The following ASGR2 variants were observed in gnomAD, a reference collection of about 807,000 sequenced individuals.
ASGR2 encodes the protein asialoglycoprotein receptor 2, also known as C-type lectin domain family 4 member H2.
ASGR2 carries 34 observed loss-of-function variants against 32.3 expected under a neutral mutation model. The observed-to-expected ratio is 1.05, with a 90% CI of 0.80 to 1.40. ASGR2 has a LOEUF of 1.40. Ranked by LOEUF, ASGR2 falls within the 40% of genes most tolerant of loss-of-function variation. The probability of loss-of-function intolerance (pLI) is 0.00; values close to 1 mark genes in which losing one functional copy is unlikely to be tolerated. For missense variants in ASGR2, 385 were observed against 386.4 expected (o/e 1.00, Z 0.03); for synonymous variants, 143 against 150.0 (o/e 0.95, Z 0.34).
chr17:7,112,142 T>C (rs1914773361), intron 2 of ASGR2, among the ~76,000 whole-genome samples: 1 of 122,462 alleles, frequency 8.2e-6, no homozygotes. Context: ...CTCTATAAAA[T>C]GAAACACTGG....
intron 7 of ASGR2, among the ~76,000 whole-genome samples, chr17:7,103,581 CT>C (rs1207351855): frequency 6.6e-6 from 1 of 152,160 alleles, no homozygotes; most frequent in East Asian, 1.9e-4. Context: ...TCCCCCTTTC[CT>C]GGGTGAACCA....
intron 2 of ASGR2, among the ~76,000 whole-genome samples, chr17:7,111,470 C>G (rs552225644): frequency 3.9e-5 from 6 of 152,146 alleles, no homozygotes; most frequent in Middle Eastern, 3.4e-3. Context: ...TCCTGGCTAA[C>G]ATGGTGAAAC....
chr17:7,111,643 G>A (rs1170400851), intron 2 of ASGR2, among the ~76,000 whole-genome samples: 7 of 147,302 alleles, frequency 4.8e-5, no homozygotes, highest in African/African-American at 7.6e-5. Flanking sequence ...GCAACAGAGC[G>A]AGACTCCGCC....
At position 7,101,487 on chromosome 17, in the gene ASGR2, C is replaced by G. The variant is rs1209500430; in HGVS notation, c.*88G>C. On this transcript the variant is annotated 3_prime_UTR_variant, in exon 9 of 9. Transcript: ENST00000691900. ...TCAGCTCTTCCCCATACCCCTGTCT[C>G]AGTGTTTCTTCCTTTCCTCAAAATC... is the stretch of plus-strand genomic sequence containing the variant. The G allele has an allele frequency of 1.3e-5, 20 of 1,527,920 alleles. No homozygotes were observed. The highest frequency in any genetic ancestry group is 1.7e-5 in the Non-Finnish European group (19 of 1,131,272). 94.6% of individuals were successfully genotyped at this position (1,527,920 alleles called of 1,614,324 possible).
At chr17:7,109,206 G>A (rs1372232144) in intron 2 of ASGR2, among the ~76,000 whole-genome samples, 1 of 152,036 alleles carries the variant, frequency 6.6e-6, no homozygotes, top group Non-Finnish European at 1.5e-5. Flanking sequence ...GACGCACAGG[G>A]GGCGGGGGGG....
At position 7,107,439 on chromosome 17, in the gene ASGR2, CACCATACCACACACACACCACAG is replaced by C. The variant is rs1913909946; in HGVS notation, c.410-145_410-123del. ...TACACCATGCATAGACCACACCACA[CACCATACCACACACACACCACAG>C]ACATGTACACCACACATAGACCACA... On this transcript the variant is annotated intron_variant, in intron 5 of 8. Coordinates refer to ENST00000691900, the MANE Select transcript of ASGR2 (RefSeq NM_001201352.2). This position sits in a 1 kb window ranked among gnomAD's most constrained non-coding sequence, Gnocchi z 5.0. 1 of 905,840 alleles carries C rather than the reference CACCATACCACACACACACCACAG, an allele frequency of 1.1e-6. No homozygotes were observed. Among genetic ancestry groups the C allele is most frequent in the African/African-American group, 1.6e-5 (1 of 61,042 alleles). The allele number at this position is 905,840 out of a possible 1,614,324, so 56.1% of individuals were successfully genotyped here.
Position 7,114,709 on chromosome 17 carries a change from A to G in ASGR2, c.-165T>C. 1 of 1,016,218 alleles carries G rather than the reference A, an allele frequency of 9.8e-7. No individual in the cohort carries two copies. Among genetic ancestry groups the G allele is most frequent in the Non-Finnish European group, 1.2e-6 (1 of 848,002 alleles). 63.0% of individuals were successfully genotyped at this position (1,016,218 alleles called of 1,614,324 possible). On this transcript the variant is annotated 5_prime_UTR_variant, in exon 1 of 9. Transcript: ENST00000691900. This position sits in a 1 kb window ranked among gnomAD's most constrained non-coding sequence, Gnocchi z 4.5. ...AAGCCAGGAGAACTGGGGCAGGTGG[A>G]GCTCACAGGGGAGAGGAGAGTGGAG...
rs754946085 is a variant in ASGR2, at chr17:7,108,762, T to G, written c.241+10A>C. The G allele has an allele frequency of 1.2e-5, 19 of 1,614,066 alleles. No individual in the cohort carries two copies. In the East Asian group the frequency reaches 4.2e-4, roughly 36 times the overall value. On this transcript the variant is annotated intron_variant, in intron 3 of 8. Transcript: ENST00000691900. The surrounding 1 kb of genome is among the most constrained non-coding windows in gnomAD (Gnocchi z 4.9). ...CCTTGCCCATCCCTGCTGGCCCCCG[T>G]GACCCTCACTTTGGGACCCAGTCAC...
rs1453798949 is a variant in ASGR2 at position 7,108,053 on chromosome 17, A to G, written c.338-146T>C. 1 of 820,338 alleles carries G rather than the reference A, an allele frequency of 1.2e-6. No homozygotes were observed. Among genetic ancestry groups the G allele is most frequent in the Non-Finnish European group, 1.9e-6 (1 of 519,834 alleles). The allele number at this position is 820,338 out of a possible 1,614,324, so 50.8% of individuals were successfully genotyped here. A position where few individuals can be genotyped will look rare whatever the true frequency, so the allele number is the denominator to read the frequency against. On this transcript the variant is annotated intron_variant, in intron 4 of 8. Transcript: ENST00000691900. The surrounding 1 kb of genome is among the most constrained non-coding windows in gnomAD (Gnocchi z 4.9). ...CCACACCCAGGCTCCCTGCACTGCC[A>G]CAGTGGCTCAGGCCACTCTCCTGCT...
At chr17:7,111,041 G>C (rs1053345283) in intron 2 of ASGR2, among the ~76,000 whole-genome samples, 2 of 152,312 alleles carry the variant, frequency 1.3e-5, no homozygotes, top group South Asian at 4.1e-4. Context: ...TTGCTTAACT[G>C]CATCCCGGAG....
In ASGR2 at chr17:7,113,477, TAC is replaced by T. The variant is rs75289420; in HGVS notation, c.124+638_124+639del. On this transcript the variant is annotated intron_variant, in intron 2 of 8. Transcript: ENST00000691900. This position sits in a 1 kb window ranked among gnomAD's most constrained non-coding sequence, Gnocchi z 5.1. The stretch of plus-strand genomic sequence containing the variant: ...CACAAACATACATACACTCACACAA[TAC>T]ACACACACAACACACACACAACATA... Among the ~76,000 whole-genome samples the T allele has an allele frequency of 0.18, 24,125 of 132,282 alleles. 1,900 individuals carry two copies. Among genetic ancestry groups the T allele is most frequent in the East Asian group, 0.21 (951 of 4,478 alleles). The allele number at this position is 132,282 out of a possible 152,430, so 86.8% of individuals were successfully genotyped here.
Position 7,101,694 on chromosome 17 carries a change from C to A in ASGR2, c.802G>T (p.Gly268Cys). The change falls in exon 9 of 9, where the codon GGT (glycine) becomes TGT (cysteine). Residue 268 changes from glycine (G) to cysteine (C), a missense_variant. Coordinates refer to ENST00000691900, the MANE Select transcript of ASGR2 (RefSeq NM_001201352.2). Reference sequence around the variant, plus strand: ...ACTTCAACACAGTCTTCACTTCCACCCAGCTCGTGCCCGTGCCAATTATCT... The same window carrying A: ...ACTTCAACACAGTCTTCACTTCCACACAGCTCGTGCCCGTGCCAATTATCT... ...QPDNWHGHEL[G>C]GSEDCVEVQP... 1 of 1,614,232 alleles carries A rather than the reference C, an allele frequency of 6.2e-7. No homozygotes were observed. Among genetic ancestry groups the A allele is most frequent in the Non-Finnish European group, 8.5e-7 (1 of 1,180,044 alleles).
intron 7 of ASGR2, among the ~76,000 whole-genome samples, chr17:7,103,725 TAG>T (rs1913178791): frequency 6.6e-6 from 1 of 151,970 alleles, no homozygotes; most frequent in East Asian, 1.9e-4. Flanking sequence ...AGGTGAAAAA[TAG>T]ACTTTGAAAA....
intron 7 of ASGR2, among the ~76,000 whole-genome samples, chr17:7,102,437 A>G (rs1008494115): frequency 1.4e-4 from 22 of 152,200 alleles, no homozygotes; most frequent in African/African-American, 5.3e-4. Context: ...TTTAATCCTC[A>G]GAAGCTCTCT....
chr17:7,113,202 G>C lies in ASGR2; in HGVS notation c.124+915C>G, dbSNP rs1567773001. Among the ~76,000 whole-genome samples, 1 of 151,844 alleles carries C rather than the reference G, an allele frequency of 6.6e-6. No individual in the cohort carries two copies. Among genetic ancestry groups the C allele is most frequent in the African/African-American group, 2.4e-5 (1 of 41,298 alleles). On this transcript the variant is annotated intron_variant, in intron 2 of 8. Coordinates refer to ENST00000691900, the MANE Select transcript of ASGR2 (RefSeq NM_001201352.2). This position sits in a 1 kb window ranked among gnomAD's most constrained non-coding sequence, Gnocchi z 5.1. ...TTTATTACAGAAGGATCCAGGGAAGGGTCTTGGGAGATGAGAGGAGCAGGG... is the reference window on the plus strand; with the variant it reads ...TTTATTACAGAAGGATCCAGGGAAGCGTCTTGGGAGATGAGAGGAGCAGGG...
chr17:7,101,786 A>G (rs769057021), intron 8 of ASGR2, 46 bp from the exon 9 acceptor site: 19 of 1,593,910 alleles, frequency 1.2e-5, no homozygotes, highest in Non-Finnish European at 1.6e-5. Flanking sequence ...GTGGTGAGAA[A>G]GCGACTTACC....
chr17:7,112,548 A>G (rs888156581), intron 2 of ASGR2, among the ~76,000 whole-genome samples: 1 of 152,126 alleles, frequency 6.6e-6, no homozygotes, highest in African/African-American at 2.4e-5. Context: ...AGTGTTCACT[A>G]TGTACCGGGT....
chr17:7,107,047 G>A lies in ASGR2; in HGVS notation c.601C>T (p.Gln201Ter). The change falls in exon 7 of 9, where the codon CAG (glutamine) becomes TAG (stop). Residue 201 changes from glutamine (Q) to a stop codon, truncating the protein, a stop_gained. Transcript: ENST00000691900. LOFTEE classifies it high-confidence loss of function. The surrounding 1 kb of genome is among the most constrained non-coding windows in gnomAD (Gnocchi z 5.0). Reference protein sequence around the residue: ...KAWAEAEKYCQLENAHLVVIN... With the variant: ...KAWAEAEKYC ...ACCACCAGGTGTGCGTTCTCCAGCT[G>A]GCAGTACTTCTCCGCCTCAGCCCAG... 5 of 1,614,192 alleles carry A rather than the reference G, an allele frequency of 3.1e-6. No individual in the cohort carries two copies. Among genetic ancestry groups the A allele is most frequent in the Middle Eastern group, 3.3e-4 (2 of 6,062 alleles).
Position 7,108,650 on chromosome 17 carries a change from C to T in ASGR2, c.242-93G>A. ...GGCCCCTCAATGTCCCCGCATTTGC[C>T]CCAGCTTGTGCTCCACCCCGCCTCC... On this transcript the variant is annotated intron_variant, in intron 3 of 8. Transcript: ENST00000691900. This position sits in a 1 kb window ranked among gnomAD's most constrained non-coding sequence, Gnocchi z 4.9. 2 of 1,602,412 alleles carry T rather than the reference C, an allele frequency of 1.2e-6. No homozygotes were observed. Among genetic ancestry groups the T allele is most frequent in the Non-Finnish European group, 1.7e-6 (2 of 1,172,664 alleles).
Sources: allele counts gnomAD v4.1 joint callset (sites outside exome capture counted in the v4.1 genomes callset), GRCh38; gene constraint gnomAD v4.1.1; non-coding constraint Gnocchi (gnomAD v3.1); transcripts MANE v1.5; gene names NCBI Gene and HGNC (gene_info 2026-07-23, HGNC 2026-07-21).